The following SLC22A3 variants were observed in gnomAD, a reference collection of about 807,000 sequenced individuals.
The protein encoded by SLC22A3 is solute carrier family 22 member 3.
A neutral mutation model predicts 59.1 loss-of-function variants in SLC22A3; 51 were observed. The observed-to-expected ratio is 0.86, with a 90% CI of 0.69 to 1.09. The LOEUF is 1.09. Among genes scored for constraint, SLC22A3 ranks in the 50% least tolerant of loss-of-function variants. The probability of loss-of-function intolerance (pLI) is 0.00; values close to 1 mark genes in which losing one functional copy is unlikely to be tolerated. For synonymous variants in SLC22A3, 325 were observed against 292.0 expected (o/e 1.11, Z -1.15); for missense variants, 711 against 726.3 (o/e 0.98, Z 0.24).
In SLC22A3 at chr6:160,410,799, C is replaced by A. The variant is rs183669984; in HGVS notation, c.928C>A (p.Arg310Ser). Residue 310 changes from arginine to serine, a missense_variant, in exon 5 of 11, where the codon CGC becomes AGC. By Grantham distance (110) the Arg-to-Ser change is moderately radical. Coordinates refer to ENST00000275300, the MANE Select transcript of SLC22A3 (RefSeq NM_021977.4). ...KGDKALQILR[R>S]IAKCNGKYLS... ...AGATAAAGCATTACAGATCCTGAGACGCATTGCTAAGTGCAATGGGAAATA... is the reference window on the plus strand; with the variant it reads ...AGATAAAGCATTACAGATCCTGAGAAGCATTGCTAAGTGCAATGGGAAATA... 1 of 1,613,074 alleles carries A rather than the reference C, an allele frequency of 6.2e-7. No homozygotes were observed. Among genetic ancestry groups the A allele is most frequent in the South Asian group, 1.1e-5 (1 of 91,064 alleles).
chr6:160,421,603 A>G (rs1787741547), intron 5 of SLC22A3, among the ~76,000 whole-genome samples: 1 of 152,198 alleles, frequency 6.6e-6, no homozygotes, highest in South Asian at 2.1e-4. Flanking sequence ...CAGTATTACA[A>G]ACAAAAGTAA....
chr6:160,353,273 A>G lies in SLC22A3; in HGVS notation c.429+4425A>G, dbSNP rs149275180. 2.9e-3 allele frequency among the ~76,000 whole-genome samples: 438 copies of G among 152,364 alleles called. 2 individuals carry two copies. The highest frequency in any genetic ancestry group is 0.01 in the African/African-American group (417 of 41,588). ...AATATTTACAATAAGGACCTTCATT[A>G]TGAGAATGTGCAAGAGTATCTCCTG... On this transcript the variant is annotated intron_variant, in intron 1 of 10. Transcript: ENST00000275300.
chr6:160,368,537 G>A (rs1785285774), intron 1 of SLC22A3, among the ~76,000 whole-genome samples: 1 of 152,128 alleles, frequency 6.6e-6, no homozygotes, highest in African/African-American at 2.4e-5. Context: ...CCTTATCCCT[G>A]TGTTCCTCTG....
intron 7 of SLC22A3, among the ~76,000 whole-genome samples, chr6:160,439,123 G>C (rs1788453662): frequency 6.6e-6 from 1 of 152,010 alleles, no homozygotes; most frequent in African/African-American, 2.4e-5. Flanking sequence ...TATCTATTTA[G>C]TATCGACTAA....
At chr6:160,449,041 G>A (rs931946537) in intron 10 of SLC22A3, among the ~76,000 whole-genome samples, 2 of 152,060 alleles carry the variant, frequency 1.3e-5, no homozygotes, top group African/African-American at 4.8e-5. Flanking sequence ...CTATTCCACT[G>A]ACTGCCTTCT....
chr6:160,414,004 CCA>C (rs1337769407), intron 5 of SLC22A3, among the ~76,000 whole-genome samples: 3 of 152,176 alleles, frequency 2.0e-5, no homozygotes, highest in African/African-American at 7.2e-5. Context: ...TGAAGAATTT[CCA>C]CAGTCTAAAT....
At chr6:160,423,752 T>G (rs1787844839) in intron 5 of SLC22A3, among the ~76,000 whole-genome samples, 1 of 152,230 alleles carries the variant, frequency 6.6e-6, no homozygotes, top group South Asian at 2.1e-4. Flanking sequence ...TTGCAAAAAT[T>G]TTCTCCCATT....
chr6:160,366,631 T>G lies in SLC22A3; in HGVS notation c.429+17783T>G, dbSNP rs866204591. 1.6e-4 allele frequency among the ~76,000 whole-genome samples: 25 copies of G among 152,354 alleles called. No individual in the cohort carries two copies. The Middle Eastern group carries it at 0.01, about 62-fold the overall frequency. On this transcript the variant is annotated intron_variant, in intron 1 of 10. Coordinates refer to ENST00000275300, the MANE Select transcript of SLC22A3 (RefSeq NM_021977.4). Reference sequence around the variant, plus strand: ...CTGACCCCACATTTCCCTTCCACACTGCCCTAGCAGAGGTTCTTCATGAGG... The same window carrying G: ...CTGACCCCACATTTCCCTTCCACACGGCCCTAGCAGAGGTTCTTCATGAGG...
intron 5 of SLC22A3, among the ~76,000 whole-genome samples, chr6:160,413,020 AGAATATAGAAAG>A (rs1412075511): frequency 1.3e-5 from 2 of 151,686 alleles, no homozygotes; most frequent in Non-Finnish European, 2.9e-5. Context: ...TAGAAAAATA[AGAATATAGAAAG>A]GAATATAGAA....
intron 2 of SLC22A3, among the ~76,000 whole-genome samples, chr6:160,402,151 C>G (rs1351746206): frequency 6.6e-6 from 1 of 151,824 alleles, no homozygotes; most frequent in African/African-American, 2.4e-5. Flanking sequence ...AATCCACTTT[C>G]AATATACAGA....
intron 1 of SLC22A3, among the ~76,000 whole-genome samples, chr6:160,378,385 A>G (rs1410729045): frequency 6.6e-6 from 1 of 152,200 alleles, no homozygotes; most frequent in Non-Finnish European, 1.5e-5. Context: ...GGGTGTTCTT[A>G]TTAGAAAATG....
chr6:160,381,308 G>A (rs1785787765), intron 1 of SLC22A3, among the ~76,000 whole-genome samples: 1 of 152,168 alleles, frequency 6.6e-6, no homozygotes, highest in Non-Finnish European at 1.5e-5. Flanking sequence ...AAGCATATCA[G>A]CAGACACATT....
intron 5 of SLC22A3, among the ~76,000 whole-genome samples, chr6:160,429,969 A>G (rs545511619): frequency 6.6e-6 from 1 of 152,244 alleles, no homozygotes; most frequent in East Asian, 1.9e-4. Context: ...GTGAATTATC[A>G]CCTGAAAATA....
At chr6:160,392,156 C>G (rs556441051) in intron 1 of SLC22A3, among the ~76,000 whole-genome samples, 2 of 152,266 alleles carry the variant, frequency 1.3e-5, no homozygotes, top group Admixed American at 6.5e-5. Flanking sequence ...AGCAGCTGCC[C>G]AGCTTAAAAC....
At chr6:160,403,791 C>T (rs1786890046) in intron 2 of SLC22A3, among the ~76,000 whole-genome samples, 1 of 151,214 alleles carries the variant, frequency 6.6e-6, no homozygotes. Context: ...TCAATCACAT[C>T]GACAAACTAA....
chr6:160,398,642 G>A (rs1414285270), intron 2 of SLC22A3, among the ~76,000 whole-genome samples: 1 of 152,196 alleles, frequency 6.6e-6, no homozygotes, highest in African/African-American at 2.4e-5. Flanking sequence ...TGGTGAGTGT[G>A]TATATTCAAG....
chr6:160,426,246 T>G, intron 5 of SLC22A3: 1 of 985,394 alleles, frequency 1.0e-6, no homozygotes, highest in Middle Eastern at 5.2e-4. Context: ...AAGGCAAAAT[T>G]TGGATATTTG....
chr6:160,446,433 G>A (rs1240530760), intron 9 of SLC22A3, among the ~76,000 whole-genome samples: 1 of 152,214 alleles, frequency 6.6e-6, no homozygotes. Flanking sequence ...CATGACTGGG[G>A]AAGCCTCAGG....
intron 1 of SLC22A3, among the ~76,000 whole-genome samples, chr6:160,390,274 G>C (rs558599015): frequency 9.2e-5 from 14 of 152,220 alleles, no homozygotes; most frequent in African/African-American, 3.1e-4. Context: ...AAGGAAGAGG[G>C]GGGAAAGCAA....
Sources: gnomAD v4.1 joint callset for allele counts (sites outside exome capture counted in the v4.1 genomes callset) on GRCh38, gnomAD v4.1.1 for gene constraint, MANE v1.5 for transcripts, NCBI Gene and HGNC (gene_info 2026-07-23, HGNC 2026-07-21) for gene names.